Variants in BRF2 observed in about 807,000 individuals in gnomAD.
The protein encoded by BRF2 is BRF2 general transcription factor IIIB subunit, also known as transcription factor IIIB 50 kDa subunit.
Under a neutral mutation model 26.6 loss-of-function variants are expected in BRF2, and 17 were observed. The ratio of observed to expected loss-of-function variants is 0.64; its 90% confidence interval spans 0.44 to 0.96. The LOEUF is 0.96. Among genes scored for constraint, BRF2 ranks in the 40% least tolerant of loss-of-function variants. The pLI, the probability that BRF2 is intolerant of heterozygous loss-of-function variation, is 0.00. For missense variants in BRF2, 515 were observed against 537.0 expected (o/e 0.96, Z 0.40); for synonymous variants, 219 against 226.6 (o/e 0.97, Z 0.30).
Position 37,846,967 on chromosome 8 carries a change from C to G in BRF2, c.423G>C (p.Leu141=). 1 of 1,614,100 alleles carries G rather than the reference C, an allele frequency of 6.2e-7. No homozygotes were observed. Among genetic ancestry groups the G allele is most frequent in the Non-Finnish European group, 8.5e-7 (1 of 1,179,916 alleles). The change falls in exon 3 of 4, where the codon CTG becomes CTC. Residue 141 remains leucine, a synonymous_variant. Coordinates refer to ENST00000220659, the MANE Select transcript of BRF2 (RefSeq NM_018310.4). ...WPLTMGAICT[L]LYADLDVFSS... ...AAAACACATCCAAATCTGCATACAA[C>G]AGCGTGCAGATGGCCCCCATTGTTA...
rs138044288 is a variant in BRF2, at chr8:37,849,681, C to G, written c.103G>C (p.Val35Leu). 1,616 of 1,613,570 alleles carry G rather than the reference C, an allele frequency of 1.0e-3. No homozygotes were observed. The highest frequency in any genetic ancestry group is 1.3e-3 in the Non-Finnish European group (1,532 of 1,179,930). ...GTAGTGGTAAGGACCCCCTCGGTGA[C>G]CACGCAGCCGCAGTCGGAGCACACC... is the stretch of plus-strand genomic sequence containing the variant. ...QLVCSDCGCV[V>L]TEGVLTTTFS... is the part of the protein sequence containing the mutation. Residue 35 changes from valine (V) to leucine (L), a missense_variant, in exon 1 of 4, where the codon GTC (valine) becomes CTC (leucine). By Grantham distance (32) the Val-to-Leu change is conservative (BLOSUM62 1). Transcript: ENST00000220659.
chr8:37,844,985 A>G lies in BRF2; in HGVS notation c.765T>C (p.Asn255=). 8 of 1,613,940 alleles carry G rather than the reference A, an allele frequency of 5.0e-6. No individual in the cohort carries two copies. Among genetic ancestry groups the G allele is most frequent in the Non-Finnish European group, 6.8e-6 (8 of 1,179,976 alleles). Reference sequence around the variant, plus strand: ...AGGACGCCGGGTAGGGCAGGTCCACATTTGCCAATTTACAAAATCGGGCAA... The same window carrying G: ...AGGACGCCGGGTAGGGCAGGTCCACGTTTGCCAATTTACAAAATCGGGCAA... ...CSLARFCKLA[N]VDLPYPASSR... Residue 255 remains asparagine, a synonymous_variant, in exon 4 of 4, where the codon AAT becomes AAC. Coordinates refer to ENST00000220659, the MANE Select transcript of BRF2 (RefSeq NM_018310.4).
At chr8:37,847,926 CT>C (rs201445307) in intron 2 of BRF2, among the ~76,000 whole-genome samples, 1 of 132,116 alleles carries the variant, frequency 7.6e-6, no homozygotes. Context: ...GGATAGTTTT[CT>C]TTTATTATTA....
In BRF2 at chr8:37,847,100, T is replaced by C. The variant is rs1365542900; in HGVS notation, c.290A>G (p.Tyr97Cys). ...PTFEDTAVAYYQQAYRHSGIR... is the reference protein window; with the variant it reads ...PTFEDTAVAYCQQAYRHSGIR... ...GCCAGAGTGCCGATATGCCTGTTGG[T>C]AGTAGGCAACCGCGGTATCCTCAAA... is the stretch of plus-strand genomic sequence containing the variant. The change falls in exon 3 of 4, where the codon TAC (tyrosine) becomes TGC (cysteine). Residue 97 changes from tyrosine (Y) to cysteine (C), a missense_variant. Physicochemically the swap from Tyr to Cys is radical, Grantham distance 194 (BLOSUM62 -2). Coordinates refer to ENST00000220659, the MANE Select transcript of BRF2 (RefSeq NM_018310.4). The C allele has an allele frequency of 1.9e-6, 3 of 1,614,164 alleles. No homozygotes were observed. The highest frequency in any genetic ancestry group is 1.1e-5 in the South Asian group (1 of 91,090).
rs1263402252 is a variant in BRF2 at position 37,845,097 on chromosome 8, G to T, written c.653C>A (p.Thr218Asn). The T allele has an allele frequency of 6.2e-7, 1 of 1,613,694 alleles. No homozygotes were observed. Among genetic ancestry groups the T allele is most frequent in the Non-Finnish European group, 8.5e-7 (1 of 1,180,050 alleles). The change falls in exon 4 of 4, where the codon ACC becomes AAC. Residue 218 changes from threonine (T) to asparagine (N), a missense_variant. By Grantham distance (65) the Thr-to-Asn change is moderately conservative. Coordinates refer to ENST00000220659, the MANE Select transcript of BRF2 (RefSeq NM_018310.4). ...VELANETWLV[T>N]GRHPLPVITA... Reference sequence around the variant, plus strand: ...GATGACGGGCAAGGGATGCCTCCCGGTCACCAGCCACGTCTCATTTGCCAG... The same window carrying T: ...GATGACGGGCAAGGGATGCCTCCCGTTCACCAGCCACGTCTCATTTGCCAG...
rs780538621 is a variant in BRF2 at position 37,849,691 on chromosome 8, G to A, written c.93C>T (p.Cys31=). ...YSQSQLVCSD[C]GCVVTEGVLT... ...GGACCCCCTCGGTGACCACGCAGCC[G>A]CAGTCGGAGCACACCAGCTGGCTCT... The change falls in exon 1 of 4, where the codon TGC becomes TGT. Residue 31 remains cysteine, a synonymous_variant. Coordinates refer to ENST00000220659, the MANE Select transcript of BRF2 (RefSeq NM_018310.4). The A allele has an allele frequency of 1.9e-6, 3 of 1,613,506 alleles. No homozygotes were observed. The highest frequency in any genetic ancestry group is 2.5e-6 in the Non-Finnish European group (3 of 1,179,826).
Position 37,843,596 on chromosome 8 carries a change from A to G in BRF2, c.*894T>C, listed in dbSNP as rs1243769099. 6.6e-6 allele frequency: 1 copy of G among 152,236 alleles called. No individual in the cohort carries two copies. Among genetic ancestry groups the G allele is most frequent in the Admixed American group, 6.5e-5 (1 of 15,284 alleles). The allele number at this position is 152,236 out of a possible 1,614,324, so 9.4% of individuals were successfully genotyped here. ...TCTTGGGAAGAACAACAGGAAACCA[A>G]GGTCTGACCTAGGGTTCCCTCCCAG... On this transcript the variant is annotated 3_prime_UTR_variant, in exon 4 of 4. Coordinates refer to ENST00000220659, the MANE Select transcript of BRF2 (RefSeq NM_018310.4).
Position 37,844,361 on chromosome 8 carries a change from A to C in BRF2, c.*129T>G, listed in dbSNP as rs1427889694. 1.4e-5 allele frequency: 17 copies of C among 1,257,690 alleles called. 1 individual carries two copies. The highest frequency in any genetic ancestry group is 1.9e-5 in the Non-Finnish European group (17 of 899,572). The allele number at this position is 1,257,690 out of a possible 1,614,324, so 77.9% of individuals were successfully genotyped here. ...CAGGACCCAGGGTCCAACTAATGGCAGAGCCCCTCTTGGTTCCTTCAAACA... is the reference window on the plus strand; with the variant it reads ...CAGGACCCAGGGTCCAACTAATGGCCGAGCCCCTCTTGGTTCCTTCAAACA... On this transcript the variant is annotated 3_prime_UTR_variant, in exon 4 of 4. Coordinates refer to ENST00000220659, the MANE Select transcript of BRF2 (RefSeq NM_018310.4).
rs188897794 is a variant in BRF2, at chr8:37,843,315, G to C, written c.*1175C>G. The C allele has an allele frequency of 6.6e-6, 1 of 152,194 alleles. No individual in the cohort carries two copies. Among genetic ancestry groups the C allele is most frequent in the Non-Finnish European group, 1.5e-5 (1 of 68,038 alleles). 9.4% of individuals were successfully genotyped at this position (152,194 alleles called of 1,614,324 possible). A position where few individuals can be genotyped will look rare whatever the true frequency, so the allele number is the denominator to read the frequency against. On this transcript the variant is annotated 3_prime_UTR_variant, in exon 4 of 4. Coordinates refer to ENST00000220659, the MANE Select transcript of BRF2 (RefSeq NM_018310.4). ...TAAGGAAGAGCACTTCCTTGCCTCCGTAAGGCCAGAGGAAGAACCATCCCA... is the reference window on the plus strand; with the variant it reads ...TAAGGAAGAGCACTTCCTTGCCTCCCTAAGGCCAGAGGAAGAACCATCCCA...
In BRF2 at chr8:37,849,800, A is replaced by C. The variant is rs771937494; in HGVS notation, c.-17T>G. On this transcript the variant is annotated 5_prime_UTR_variant, in exon 1 of 4. Transcript: ENST00000220659. The stretch of plus-strand genomic sequence containing the variant: ...GCCTGGCATCTCACAACCGGCCCCA[A>C]AGCCGCGGAAGCCTTCAGAGACTCC... 9 of 1,592,318 alleles carry C rather than the reference A, an allele frequency of 5.7e-6. No homozygotes were observed. Among genetic ancestry groups the C allele is most frequent in the Non-Finnish European group, 7.7e-6 (9 of 1,171,904 alleles).
chr8:37,847,935 T>C (rs1805992765), intron 2 of BRF2, among the ~76,000 whole-genome samples: 1 of 134,446 alleles, frequency 7.4e-6, no homozygotes, highest in African/African-American at 3.6e-5. Flanking sequence ...TCTTTTATTA[T>C]TATTATTATT....
chr8:37,843,757 T>G lies in BRF2; in HGVS notation c.*733A>C, dbSNP rs1292260566. 1.3e-5 allele frequency: 2 copies of G among 152,506 alleles called. No homozygotes were observed. Among genetic ancestry groups the G allele is most frequent in the African/African-American group, 4.8e-5 (2 of 41,392 alleles). The allele number at this position is 152,506 out of a possible 1,614,324, so 9.4% of individuals were successfully genotyped here. A position where few individuals can be genotyped will look rare whatever the true frequency, so the allele number is the denominator to read the frequency against. On this transcript the variant is annotated 3_prime_UTR_variant, in exon 4 of 4. Coordinates refer to ENST00000220659, the MANE Select transcript of BRF2 (RefSeq NM_018310.4). ...CATATTAGAAGAAAAAAAAAAGCTT[T>G]GTATTATTCTTCCACATATGCTGGC... is the stretch of plus-strand genomic sequence containing the variant.
intron 3 of BRF2, 32 bp downstream of exon 3, chr8:37,846,822 T>A: frequency 6.6e-7 from 1 of 1,511,684 alleles, no homozygotes; most frequent in Non-Finnish European, 9.2e-7. Context: ...ACCCATCCCA[T>A]CCCATCCTAC....
Position 37,844,170 on chromosome 8 carries a change from G to T in BRF2, c.*320C>A. 3.3e-6 allele frequency: 1 copy of T among 305,848 alleles called. No homozygotes were observed. Among genetic ancestry groups the T allele is most frequent in the Non-Finnish European group, 6.2e-6 (1 of 161,616 alleles). The allele number at this position is 305,848 out of a possible 1,614,324, so 18.9% of individuals were successfully genotyped here. A position where few individuals can be genotyped will look rare whatever the true frequency, so the allele number is the denominator to read the frequency against. ...CCCCCTCAGGCCTGCAGGAGGAGCCGCAGCAGTGTGTCCAATTCAAACCAG... is the reference window on the plus strand; with the variant it reads ...CCCCCTCAGGCCTGCAGGAGGAGCCTCAGCAGTGTGTCCAATTCAAACCAG... On this transcript the variant is annotated 3_prime_UTR_variant, in exon 4 of 4. Transcript: ENST00000220659.
At chr8:37,845,705 G>C (rs1254533559) in intron 3 of BRF2, 2 of 700,698 alleles carry the variant, frequency 2.9e-6, no homozygotes, top group Non-Finnish European at 5.2e-6. Flanking sequence ...GGGAGGATCA[G>C]GTGGGCAGAT....
rs563887611 is a variant in BRF2, at chr8:37,848,649, G to A, written c.161C>T (p.Thr54Ile). The A allele has an allele frequency of 1.1e-4, 172 of 1,613,486 alleles. 2 individuals carry two copies. In the South Asian group the frequency reaches 1.8e-3, roughly 17 times the overall value. The change falls in exon 2 of 4, where the codon ACA becomes ATA. Residue 54 changes from threonine to isoleucine, a missense_variant. By Grantham distance (89) the Thr-to-Ile change is moderately conservative. Transcript: ENST00000220659. ...GTTTTCCCCTGTGCTTCGGGAATAT[G>A]TTACCTCTGTAAGATAATAAACAAC... ...FSDEGNLREVTYSRSTGENEQ... is the reference protein window; with the variant it reads ...FSDEGNLREVIYSRSTGENEQ...
At chr8:37,848,522 C>T (rs2130094842) in intron 2 of BRF2, 74 bp downstream of exon 2, 10 of 1,388,074 alleles carry the variant, frequency 7.2e-6, no homozygotes, top group Non-Finnish European at 9.2e-6. Context: ...GCTGGGATTA[C>T]AGGCGTGAGC....
chr8:37,848,710 G>A, intron 1 of BRF2, 55 bp from the exon 2 acceptor site: 1 of 1,401,732 alleles, frequency 7.1e-7, no homozygotes, highest in Non-Finnish European at 1.0e-6. Context: ...TCAGACCCCT[G>A]CCCTCCCACC....
intron 1 of BRF2, 58 bp from the exon 2 acceptor site, chr8:37,848,713 C>T: frequency 7.3e-7 from 1 of 1,373,070 alleles, no homozygotes; most frequent in Non-Finnish European, 1.0e-6. Flanking sequence ...GACCCCTGCC[C>T]TCCCACCACA....
Sources: allele counts gnomAD v4.1 joint callset (sites outside exome capture counted in the v4.1 genomes callset), GRCh38; gene constraint gnomAD v4.1.1; transcripts MANE v1.5; gene names NCBI Gene and HGNC (gene_info 2026-07-23, HGNC 2026-07-21).